Variants in NR2F1-AS1 observed in about 807,000 individuals in gnomAD.
The protein encoded by NR2F1-AS1 is NR2F1 antisense RNA 1.
intron 4 of NR2F1-AS1, among the ~76,000 whole-genome samples, chr5:93,528,133 A>C (rs913400471): frequency 2.6e-5 from 4 of 152,130 alleles, no homozygotes; most frequent in African/African-American, 4.8e-5. Context: ...GAATCTACAA[A>C]GAACTTAAAC....
chr5:93,473,181 AAT>A (rs1344103687), intron 4 of NR2F1-AS1, among the ~76,000 whole-genome samples: 1 of 151,934 alleles, frequency 6.6e-6, no homozygotes, highest in Non-Finnish European at 1.5e-5. Flanking sequence ...GAATAAAAAC[AAT>A]ATGTTACTGA....
chr5:93,481,332 A>G (rs905929082), intron 4 of NR2F1-AS1, among the ~76,000 whole-genome samples: 2 of 152,108 alleles, frequency 1.3e-5, no homozygotes, highest in African/African-American at 4.8e-5. Flanking sequence ...ACAATTATAA[A>G]TGTATACACA....
At chr5:93,571,817 TCACA>T (rs1752775177) in intron 1 of NR2F1-AS1, among the ~76,000 whole-genome samples, 1 of 151,668 alleles carries the variant, frequency 6.6e-6, no homozygotes, top group Non-Finnish European at 1.5e-5. Flanking sequence ...ACACCACAGC[TCACA>T]TCTGGAGGGG....
chr5:93,562,553 A>G (rs201506086), intron 2 of NR2F1-AS1, among the ~76,000 whole-genome samples: 1 of 152,130 alleles, frequency 6.6e-6, no homozygotes, highest in African/African-American at 2.4e-5. Context: ...CTCAGCCTCC[A>G]AAAGTGCTGG....
intron 4 of NR2F1-AS1, among the ~76,000 whole-genome samples, chr5:93,500,147 A>G (rs1405015836): frequency 6.6e-6 from 1 of 152,248 alleles, no homozygotes. Context: ...ACCAAACAAC[A>G]TATTTTCAAT....
intron 4 of NR2F1-AS1, among the ~76,000 whole-genome samples, chr5:93,445,021 T>C (rs1221324289): frequency 6.6e-6 from 1 of 152,080 alleles, no homozygotes; most frequent in Non-Finnish European, 1.5e-5. Context: ...AGACAAAACA[T>C]ACCAGAATCT....
intron 1 of NR2F1-AS1, among the ~76,000 whole-genome samples, chr5:93,576,478 A>T (rs1752897960): frequency 6.6e-6 from 1 of 151,526 alleles, no homozygotes; most frequent in Non-Finnish European, 1.5e-5. Flanking sequence ...TCTCTCCTCA[A>T]CGATGGAGGA....
chr5:93,418,790 A>G (rs763886063), intron 4 of NR2F1-AS1, among the ~76,000 whole-genome samples: 5 of 152,194 alleles, frequency 3.3e-5, no homozygotes, highest in Non-Finnish European at 7.3e-5. Flanking sequence ...CCACAGCATC[A>G]TAATTGCTAC....
At chr5:93,444,595 A>T (rs1749651964) in intron 4 of NR2F1-AS1, among the ~76,000 whole-genome samples, 1 of 152,210 alleles carries the variant, frequency 6.6e-6, no homozygotes, top group African/African-American at 2.4e-5. Context: ...CCACACAAAA[A>T]TAATGGGAGA....
intron 1 of NR2F1-AS1, chr5:93,570,208 A>C (rs1353460317): frequency 6.6e-6 from 1 of 152,244 alleles, no homozygotes; most frequent in Non-Finnish European, 1.5e-5. Flanking sequence ...GGAAACTCCC[A>C]CTGACTCTAC....
chr5:93,530,488 C>T (rs1342218078), intron 4 of NR2F1-AS1, among the ~76,000 whole-genome samples: 1 of 152,122 alleles, frequency 6.6e-6, no homozygotes, highest in Admixed American at 6.6e-5. Flanking sequence ...TAGAGAGTTC[C>T]CACTTGCCAG....
intron 4 of NR2F1-AS1, among the ~76,000 whole-genome samples, chr5:93,470,130 C>T (rs925278028): frequency 6.6e-6 from 1 of 151,874 alleles, no homozygotes; most frequent in East Asian, 1.9e-4. Flanking sequence ...AACTTTTCTG[C>T]TTTTTATTTT....
At chr5:93,490,719 G>A (rs948022729) in intron 4 of NR2F1-AS1, among the ~76,000 whole-genome samples, 2 of 151,764 alleles carry the variant, frequency 1.3e-5, no homozygotes, top group African/African-American at 4.8e-5. Context: ...GGTGGTGGTG[G>A]TTGTTCCTGG....
At chr5:93,504,219 T>G (rs1454481397) in intron 4 of NR2F1-AS1, among the ~76,000 whole-genome samples, 1 of 152,226 alleles carries the variant, frequency 6.6e-6, no homozygotes, top group African/African-American at 2.4e-5. Context: ...CATTGTTGTA[T>G]AAGTCCATGT....
chr5:93,440,900 T>C (rs1444422065), intron 4 of NR2F1-AS1, among the ~76,000 whole-genome samples: 1 of 152,230 alleles, frequency 6.6e-6, no homozygotes, highest in Non-Finnish European at 1.5e-5. Context: ...AAGGCCTGTA[T>C]ACAGCAACAA....
chr5:93,577,376 G>C (rs1455990753), intron 1 of NR2F1-AS1, among the ~76,000 whole-genome samples: 1 of 152,234 alleles, frequency 6.6e-6, no homozygotes, highest in Admixed American at 6.5e-5. Context: ...TGGGTTCATG[G>C]TTTGACTATA....
chr5:93,540,644 T>C (rs1236469957), intron 4 of NR2F1-AS1, among the ~76,000 whole-genome samples: 1 of 152,322 alleles, frequency 6.6e-6, no homozygotes, highest in East Asian at 1.9e-4. Context: ...TGACCTGTTA[T>C]GGTTTTAGTG....
chr5:93,427,527 G>A (rs1159277725), intron 4 of NR2F1-AS1, among the ~76,000 whole-genome samples: 1 of 152,094 alleles, frequency 6.6e-6, no homozygotes, highest in East Asian at 1.9e-4. Context: ...CAGCTACATT[G>A]TAAACTTCCT....
chr5:93,568,854 G>A (rs1350988311), intron 1 of NR2F1-AS1, among the ~76,000 whole-genome samples: 1 of 152,130 alleles, frequency 6.6e-6, no homozygotes, highest in Non-Finnish European at 1.5e-5. Context: ...TATTTTAGGG[G>A]AGAACGAGAG....
Sources: gnomAD v4.1 joint callset for allele counts (sites outside exome capture counted in the v4.1 genomes callset) on GRCh38, gnomAD v4.1.1 for gene constraint, MANE v1.5 for transcripts, NCBI Gene and HGNC (gene_info 2026-07-23, HGNC 2026-07-21) for gene names.